TTC39A: variants seen among roughly 807,000 people sequenced by gnomAD.
TTC39A encodes tetratricopeptide repeat protein 39A.
TTC39A carries 46 observed loss-of-function variants against 82.3 expected under a neutral mutation model. The ratio of observed to expected loss-of-function variants is 0.56; its 90% confidence interval spans 0.44 to 0.71. TTC39A has a LOEUF of 0.71. Among genes scored for constraint, TTC39A ranks in the 30% least tolerant of loss-of-function variants. TTC39A has a pLI of 0.00. For missense variants in TTC39A, 543 were observed against 712.9 expected (o/e 0.76, Z 2.71); for synonymous variants, 254 against 275.2 (o/e 0.92, Z 0.76).
At chr1:51,312,423 A>G (rs1046221275) in intron 3 of TTC39A, among the ~76,000 whole-genome samples, 5 of 152,318 alleles carry the variant, frequency 3.3e-5, no homozygotes, top group African/African-American at 1.2e-4. Context: ...CCACCTGATC[A>G]GTCCTGGGGC....
chr1:51,330,370 G>T lies in TTC39A; in HGVS notation c.41+67C>A, dbSNP rs1645865432. Reference sequence around the variant, plus strand: ...TGCGCGGGGGGAGGCCTGGCGCGGCGCCCGCCACCTGCCCGGGCCCCAGCC... The same window carrying T: ...TGCGCGGGGGGAGGCCTGGCGCGGCTCCCGCCACCTGCCCGGGCCCCAGCC... On this transcript the variant is annotated intron_variant, in intron 1 of 17. Transcript: ENST00000680483. The surrounding 1 kb of genome is among the most constrained non-coding windows in gnomAD (Gnocchi z 4.5). The T allele has an allele frequency of 3.2e-6, 3 of 948,126 alleles. No individual in the cohort carries two copies. In the South Asian group the frequency reaches 1.4e-4, roughly 46 times the overall value. 58.7% of individuals were successfully genotyped at this position (948,126 alleles called of 1,614,324 possible).
intron 1 of TTC39A, among the ~76,000 whole-genome samples, chr1:51,338,512 G>A (rs998876017): frequency 1.3e-5 from 2 of 152,022 alleles, no homozygotes; most frequent in East Asian, 1.9e-4. Flanking sequence ...AGGAGCTGGG[G>A]CTTGGAGGGA....
Position 51,343,054 on chromosome 1 carries a change from T to A in TTC39A, c.53+1937A>T, listed in dbSNP as rs1264895063. ...TGGTGCCCACAGGACGATGCACAAC[T>A]GGATTCTCCCAGGCAGGGAAGGTCC... On this transcript the variant is annotated intron_variant, in intron 1 of 5. Transcript: ENST00000401051. 2.4e-5 allele frequency: 11 copies of A among 456,058 alleles called. 1 individual carries two copies. The highest frequency in any genetic ancestry group is 1.4e-4 in the South Asian group (9 of 64,568). The allele number at this position is 456,058 out of a possible 1,614,324, so 28.3% of individuals were successfully genotyped here. A position where few individuals can be genotyped will look rare whatever the true frequency, so the allele number is the denominator to read the frequency against.
upstream of TTC39A, among the ~76,000 whole-genome samples, chr1:51,335,908 T>C (rs1488643386): frequency 6.6e-6 from 1 of 152,176 alleles, no homozygotes; most frequent in Non-Finnish European, 1.5e-5. Flanking sequence ...CCTGGGATAA[T>C]AATCCCAAAC....
upstream of TTC39A, among the ~76,000 whole-genome samples, chr1:51,332,392 C>T (rs1034869304): frequency 1.3e-5 from 2 of 152,350 alleles, no homozygotes; most frequent in African/African-American, 4.8e-5. Context: ...TCCCGAGTAG[C>T]TGAGATTACA....
At chr1:51,342,153 G>C (rs1200177025) in intron 1 of TTC39A, among the ~76,000 whole-genome samples, 1 of 152,182 alleles carries the variant, frequency 6.6e-6, no homozygotes, top group Non-Finnish European at 1.5e-5. Context: ...TGATTTGTAG[G>C]CTGAGTAGGG....
intron 2 of TTC39A, among the ~76,000 whole-genome samples, chr1:51,320,416 C>CTTTTTTTTTTTT (rs57261779): frequency 5.5e-4 from 44 of 79,422 alleles, no homozygotes; most frequent in East Asian, 1.3e-3. Flanking sequence ...TTTTCTTTTT[C>CTTTTTTTTTTTT]TTTTTTTTTT....
At chr1:51,331,498 TG>T (rs1245587066), upstream of TTC39A, 2 of 985,326 alleles carry the variant, frequency 2.0e-6, no homozygotes, top group Admixed American at 1.2e-4. Context: ...GTAGCTCCCC[TG>T]GAGCAACTAT....
intron 3 of TTC39A, 37 bp downstream of exon 3, chr1:51,312,775 C>A: frequency 1.2e-6 from 2 of 1,602,206 alleles, no homozygotes; most frequent in South Asian, 1.1e-5. Context: ...CAGGGTGGGC[C>A]TCCCAACCTC....
chr1:51,303,336 C>A, intron 8 of TTC39A, 144 bp from the exon 9 acceptor site: 3 of 665,006 alleles, frequency 4.5e-6, no homozygotes, highest in Non-Finnish European at 7.7e-6. Flanking sequence ...TGGCCCTGAG[C>A]AAGTGGCTGC....
At chr1:51,303,286 G>A in intron 8 of TTC39A, 94 bp from the exon 9 acceptor site, 2 of 1,115,662 alleles carry the variant, frequency 1.8e-6, no homozygotes, top group East Asian at 5.2e-5. Context: ...CGGCACAGGG[G>A]CGGAAGAGCA....
intron 1 of TTC39A, among the ~76,000 whole-genome samples, chr1:51,326,411 G>A (rs1645714150): frequency 6.6e-6 from 1 of 152,190 alleles, no homozygotes; most frequent in Non-Finnish European, 1.5e-5. Context: ...GAAGGGCTTG[G>A]AAGACAGAGG....
chr1:51,331,211 C>T, upstream of TTC39A: 1 of 1,550,442 alleles, frequency 6.4e-7, no homozygotes, highest in East Asian at 2.4e-5. Context: ...AGCCAACACT[C>T]TGGCCCCTTT....
At chr1:51,334,714 G>C (rs1478557413), upstream of TTC39A, 3 of 152,160 alleles carry the variant, frequency 2.0e-5, no homozygotes, top group Admixed American at 6.5e-5. Flanking sequence ...TGATGGTTGT[G>C]GTGGACCACT....
intron 1 of TTC39A, among the ~76,000 whole-genome samples, chr1:51,337,920 GC>G (rs1484312306): frequency 2.6e-5 from 4 of 152,140 alleles, no homozygotes; most frequent in Non-Finnish European, 5.9e-5. Context: ...TATCGCCCAG[GC>G]TGGTCTTGAA....
rs760763515 is a variant in TTC39A at position 51,302,431 on chromosome 1, A to G, written c.832-15T>C. ...AAGATGGCACCCTGCAATGACACAC[A>G]TGTAAGTCCGTGTGGGTCCGTGGGG... On this transcript the variant is annotated splice_polypyrimidine_tract_variant and intron_variant, in intron 10 of 17. Transcript: ENST00000680483. The G allele has an allele frequency of 6.8e-5, 110 of 1,608,734 alleles. No homozygotes were observed. Among genetic ancestry groups the G allele is most frequent in the Non-Finnish European group, 8.9e-5 (105 of 1,177,546 alleles).
intron 1 of TTC39A, chr1:51,342,951 C>CA (rs1190040862): frequency 2.3e-6 from 1 of 431,562 alleles, no homozygotes; most frequent in African/African-American, 2.0e-5. Context: ...CCTGGACCAC[C>CA]ACGCCAGCCT....
intron 4 of TTC39A, 111 bp downstream of exon 4, chr1:51,312,008 C>T (rs1197148699): frequency 6.0e-6 from 7 of 1,172,692 alleles, no homozygotes; most frequent in African/African-American, 1.5e-5. Flanking sequence ...CTGGCATGGA[C>T]ACCAGGGCCT....
intron 6 of TTC39A, among the ~76,000 whole-genome samples, chr1:51,307,023 A>T (rs1362759442): frequency 6.6e-6 from 1 of 152,158 alleles, no homozygotes; most frequent in African/African-American, 2.4e-5. Flanking sequence ...TTTCTGACAG[A>T]GAGAACAGCA....
Sources: gnomAD v4.1 joint callset for allele counts (sites outside exome capture counted in the v4.1 genomes callset) on GRCh38, gnomAD v4.1.1 for gene constraint, Gnocchi (gnomAD v3.1) non-coding constraint, MANE v1.5 for transcripts, NCBI Gene and HGNC (gene_info 2026-07-23, HGNC 2026-07-21) for gene names.